Variants in RPS6KC1 observed in about 807,000 individuals in gnomAD.
RPS6KC1 encodes the protein ribosomal protein S6 kinase C1.
A neutral mutation model predicts 103.8 loss-of-function variants in RPS6KC1; 54 were observed. That is an observed-to-expected ratio of 0.52 (90% CI 0.42 to 0.65). The LOEUF (loss-of-function observed/expected upper bound fraction) is 0.65, where lower values mean the gene tolerates loss of function less well. Ranked by LOEUF, RPS6KC1 falls within the 30% of genes least tolerant of loss-of-function variation. The probability of loss-of-function intolerance (pLI) is 0.00; values close to 1 mark genes in which losing one functional copy is unlikely to be tolerated. For synonymous variants in RPS6KC1, 439 were observed against 438.7 expected, an observed-to-expected ratio of 1.00 and a Z score of -0.01; for missense variants, 1,151 against 1,253.8, an observed-to-expected ratio of 0.92 and a Z score of 1.24.
At chr1:213,133,663 G>C (rs1473638589) in intron 6 of RPS6KC1, among the ~76,000 whole-genome samples, 5 of 151,758 alleles carry the variant, frequency 3.3e-5, no homozygotes, top group African/African-American at 1.2e-4. Context: ...TGTGTAGTTT[G>C]TTCCAGGTGC....
At chr1:213,858,251 C>T in the RPS6KC1 span, among the ~76,000 whole-genome samples, 1 of 151,994 alleles carries the variant, frequency 6.6e-6, no homozygotes, top group African/African-American at 2.4e-5. Flanking sequence ...TATGATTATC[C>T]CTGTTGAAAG....
the RPS6KC1 span, among the ~76,000 whole-genome samples, chr1:213,321,536 T>C: frequency 6.6e-6 from 1 of 152,196 alleles, no homozygotes; most frequent in Non-Finnish European, 1.5e-5. Flanking sequence ...ATTGCTCCTG[T>C]AGGGAAAGGC....
At chr1:213,608,635 G>GA in the RPS6KC1 span, among the ~76,000 whole-genome samples, 2 of 149,516 alleles carry the variant, frequency 1.3e-5, no homozygotes, top group African/African-American at 2.5e-5. Context: ...ATCACTGTAG[G>GA]AAAAAAAAAG....
intron 12 of RPS6KC1, among the ~76,000 whole-genome samples, chr1:213,251,812 A>G (rs1255924706): frequency 2.0e-5 from 3 of 152,204 alleles, no homozygotes; most frequent in Non-Finnish European, 2.9e-5. Context: ...CATTTATTAA[A>G]TGCCTCCTGT....
the RPS6KC1 span, among the ~76,000 whole-genome samples, chr1:213,829,014 C>T: frequency 6.6e-6 from 1 of 152,054 alleles, no homozygotes; most frequent in Non-Finnish European, 1.5e-5. Context: ...CTAGTGGGTG[C>T]AGAGAGTGGC....
At chr1:213,611,896 G>A in the RPS6KC1 span, among the ~76,000 whole-genome samples, 1 of 152,210 alleles carries the variant, frequency 6.6e-6, no homozygotes, top group African/African-American at 2.4e-5. Context: ...ATTTATAGTA[G>A]AGCCTCCTTC....
In RPS6KC1 at chr1:213,167,933, C is replaced by T. The variant is rs1231486910; in HGVS notation, c.911C>T (p.Ser304Phe). ...TACCTCATGCGGGCAGAAAGTATCTCTAGTCTTTATGGGAAACCTCAGCTT... is the reference window on the plus strand; with the variant it reads ...TACCTCATGCGGGCAGAAAGTATCTTTAGTCTTTATGGGAAACCTCAGCTT... ...AEYLMRAESI[S>F]SLYGKPQLDD... Residue 304 changes from serine to phenylalanine, a missense_variant, in exon 7 of 15, where the codon TCT (serine) becomes TTT (phenylalanine). Physicochemically the swap from Ser to Phe is radical, Grantham distance 155. Around this residue, in one of 3 missense-constraint regions of RPS6KC1, gnomAD observed 959 missense variants for 1,006.3 expected, o/e 0.95. Transcript: ENST00000366960. 6.2e-7 allele frequency: 1 copy of T among 1,613,574 alleles called. No individual in the cohort carries two copies. Among genetic ancestry groups the T allele is most frequent in the East Asian group, 2.2e-5 (1 of 44,856 alleles).
chr1:213,714,594 T>A, the RPS6KC1 span, among the ~76,000 whole-genome samples: 1 of 152,254 alleles, frequency 6.6e-6, no homozygotes, highest in Non-Finnish European at 1.5e-5. Flanking sequence ...GGGCTTCCCT[T>A]AAGGCTGTAT....
the RPS6KC1 span, among the ~76,000 whole-genome samples, chr1:213,610,762 A>C: frequency 1.4e-4 from 22 of 152,338 alleles, no homozygotes; most frequent in African/African-American, 5.3e-4. Context: ...CATGTGAGCA[A>C]TTCAGGTAGG....
At chr1:213,611,721 G>T in the RPS6KC1 span, among the ~76,000 whole-genome samples, 4 of 152,162 alleles carry the variant, frequency 2.6e-5, no homozygotes, top group Non-Finnish European at 5.9e-5. Context: ...TGTGACTAAA[G>T]CTTATAGTCC....
Position 213,129,857 on chromosome 1 carries a change from A to G in RPS6KC1, c.803A>G (p.Lys268Arg), listed in dbSNP as rs2085396601. ...GAAGCTGCTTCTGATTTTTATAGGA[A>G]GGGAGTTGATTTACTCCTAGAAGGT... ...DYEAASDFYR[K>R]GVDLLLEGVQ... Residue 268 changes from lysine (K) to arginine (R), a missense_variant, in exon 6 of 15, where the codon AAG becomes AGG. Lys to Arg is a conservative substitution (Grantham distance 26). Transcript: ENST00000366960. 6.2e-7 allele frequency: 1 copy of G among 1,609,288 alleles called. No homozygotes were observed. Among genetic ancestry groups the G allele is most frequent in the Non-Finnish European group, 8.5e-7 (1 of 1,178,914 alleles).
At chr1:213,586,262 C>T in the RPS6KC1 span, among the ~76,000 whole-genome samples, 1 of 152,196 alleles carries the variant, frequency 6.6e-6, no homozygotes, top group Admixed American at 6.5e-5. Flanking sequence ...TTTTAAACAA[C>T]AGACCAAGAC....
the RPS6KC1 span, chr1:213,840,314 A>G: frequency 2.6e-5 from 4 of 152,312 alleles, no homozygotes; most frequent in East Asian, 1.9e-4. Flanking sequence ...TTTAAGTTTC[A>G]TAAGTGCAAA....
At chr1:213,738,364 GAAAC>G in the RPS6KC1 span, among the ~76,000 whole-genome samples, 1 of 151,980 alleles carries the variant, frequency 6.6e-6, no homozygotes, top group Middle Eastern at 3.2e-3. Context: ...ATGAAAGAGA[GAAAC>G]AAACATACAA....
chr1:213,399,626 G>A, the RPS6KC1 span, among the ~76,000 whole-genome samples: 3 of 151,978 alleles, frequency 2.0e-5, 1 homozygote, highest in Non-Finnish European at 4.4e-5. Flanking sequence ...GACAGCACAC[G>A]GGCCAATGGG....
the RPS6KC1 span, among the ~76,000 whole-genome samples, chr1:213,328,691 C>G: frequency 1.9e-3 from 290 of 151,438 alleles, 1 homozygote; most frequent in African/African-American, 6.8e-3. Context: ...GAAAGACATT[C>G]TAGACAGTGG....
chr1:213,536,111 G>A, the RPS6KC1 span, among the ~76,000 whole-genome samples: 16 of 152,248 alleles, frequency 1.1e-4, no homozygotes, highest in African/African-American at 3.9e-4. Context: ...TATGTACGAT[G>A]AAGCCAAAGA....
At chr1:213,115,408 A>G (rs1429353750) in intron 4 of RPS6KC1, among the ~76,000 whole-genome samples, 1 of 151,922 alleles carries the variant, frequency 6.6e-6, no homozygotes, top group East Asian at 1.9e-4. Flanking sequence ...TATCCCCTTT[A>G]TCATTTTTTA....
rs35694574 is a variant in RPS6KC1 at position 213,121,277 on chromosome 1, A to G, written c.472+3867A>G. On this transcript the variant is annotated intron_variant, in intron 5 of 14. Coordinates refer to ENST00000366960, the MANE Select transcript of RPS6KC1 (RefSeq NM_012424.6). ...GTTACTTTGTAGTAGCATGGGATAG[A>G]GAAACCCCTTTAAGGTTTTGTAAAA... 9.1e-3 allele frequency among the ~76,000 whole-genome samples: 1,387 copies of G among 152,310 alleles called. 24 individuals carry two copies. Among genetic ancestry groups the G allele is most frequent in the African/African-American group, 0.032 (1,320 of 41,556 alleles).
Sources: gnomAD v4.1 joint callset for allele counts (sites outside exome capture counted in the v4.1 genomes callset) on GRCh38, gnomAD v4.1.1 for gene constraint, gnomAD v4.1.1 regional missense constraint, MANE v1.5 for transcripts, NCBI Gene and HGNC (gene_info 2026-07-23, HGNC 2026-07-21) for gene names.